Variants in SERPINI2 observed in about 807,000 individuals in gnomAD.
SERPINI2 encodes the protein serpin family I member 2.
A neutral mutation model predicts 47.3 loss-of-function variants in SERPINI2; 48 were observed. The ratio of observed to expected loss-of-function variants is 1.02; its 90% CI spans 0.81 to 1.29. SERPINI2 has a LOEUF of 1.29. Ranked by LOEUF, SERPINI2 falls within the 50% of genes most tolerant of loss-of-function variation. SERPINI2 has a pLI of 0.00. For synonymous variants in SERPINI2, 135 were observed against 149.3 expected, an observed-to-expected ratio of 0.90 and a Z score of 0.70; for missense variants, 448 against 456.9, an observed-to-expected ratio of 0.98 and a Z score of 0.18.
chr3:167,442,197 AAAAC>A lies in SERPINI2; in HGVS notation c.1142-16_1142-13del, dbSNP rs1749347803. ...AAACAGAATTGATTCTAGGGAAAAA[AAAAC>A]AAAAAAATATACTTTAGGAATTTCA... On this transcript the variant is annotated splice_polypyrimidine_tract_variant and intron_variant, in intron 8 of 8. Transcript: ENST00000264677. 4 of 1,561,038 alleles carry A rather than the reference AAAAC, an allele frequency of 2.6e-6. No individual in the cohort carries two copies. The South Asian group carries it at 4.9e-5, about 19-fold the overall frequency.
chr3:167,459,364 G>A (rs554161002), intron 5 of SERPINI2, among the ~76,000 whole-genome samples: 8 of 152,200 alleles, frequency 5.3e-5, no homozygotes, highest in Non-Finnish European at 1.2e-4. Flanking sequence ...GTGAGCCACC[G>A]CGCCCGGCCC....
chr3:167,452,866 G>T, intron 6 of SERPINI2, 70 bp downstream of exon 6: 1 of 893,352 alleles, frequency 1.1e-6, no homozygotes. Flanking sequence ...TCAGTTTTAA[G>T]CTCAGCTAGT....
At position 167,456,971 on chromosome 3, in the gene SERPINI2, C is replaced by A. The variant is rs1749811647; in HGVS notation, c.867-3938G>T. Among the ~76,000 whole-genome samples the A allele has an allele frequency of 1.3e-5, 2 of 152,244 alleles. 1 individual carries two copies. The highest frequency in any genetic ancestry group is 6.8e-3 in the Middle Eastern group (2 of 294). Reference sequence around the variant, plus strand: ...CTGCATTTAACAGTATAAGAAAAATCTTAGAAAAGTAATTTGCTTAAAGTT... The same window carrying A: ...CTGCATTTAACAGTATAAGAAAAATATTAGAAAAGTAATTTGCTTAAAGTT... On this transcript the variant is annotated intron_variant, in intron 5 of 8. Transcript: ENST00000264677.
chr3:167,448,307 A>T (rs868180919), intron 7 of SERPINI2, among the ~76,000 whole-genome samples: 7 of 152,196 alleles, frequency 4.6e-5, no homozygotes, highest in Non-Finnish European at 7.3e-5. Context: ...GAGATTTTGC[A>T]TTTCTAACGA....
rs368210867 is a variant in SERPINI2 at position 167,459,724 on chromosome 3, G to C, written c.866+5482C>G. Among the ~76,000 whole-genome samples, 248 of 149,758 alleles carry C rather than the reference G, an allele frequency of 1.7e-3. 7 individuals carry two copies. The South Asian group carries it at 0.048, about 29-fold the overall frequency. ...CATATACTAACTTTGCTACCAAAGA[G>C]ATATTTTACAACAATATAGAATTTA... On this transcript the variant is annotated intron_variant, in intron 5 of 8. Coordinates refer to ENST00000264677, the Ensembl canonical transcript of SERPINI2.
At chr3:167,443,010 A>G (rs1031228628) in intron 8 of SERPINI2, among the ~76,000 whole-genome samples, 2 of 152,184 alleles carry the variant, frequency 1.3e-5, no homozygotes, top group African/African-American at 2.4e-5. Context: ...GCCCTTTTTT[A>G]TTAACTCTAC....
At chr3:167,455,215 A>G (rs1254148640) in intron 5 of SERPINI2, among the ~76,000 whole-genome samples, 1 of 152,272 alleles carries the variant, frequency 6.6e-6, no homozygotes, top group African/African-American at 2.4e-5. Flanking sequence ...CTAGATAAAC[A>G]ATTAGCAACT....
At chr3:167,450,282 T>A (rs1304446061) in intron 6 of SERPINI2, among the ~76,000 whole-genome samples, 1 of 152,174 alleles carries the variant, frequency 6.6e-6, no homozygotes, top group Non-Finnish European at 1.5e-5. Flanking sequence ...CTTTACAACG[T>A]TTTGTTCTGG....
At chr3:167,459,671 C>A (rs1339782580) in intron 5 of SERPINI2, among the ~76,000 whole-genome samples, 3 of 127,676 alleles carry the variant, frequency 2.3e-5, no homozygotes, top group Non-Finnish European at 4.8e-5. Context: ...TATAAACATT[C>A]TTATGGGTGG....
intron 1 of SERPINI2, 197 bp downstream of exon 1, chr3:167,473,806 A>C (rs1750407274): frequency 7.0e-7 from 1 of 1,431,406 alleles, no homozygotes; most frequent in Non-Finnish European, 9.1e-7. Context: ...CCTGATGAAT[A>C]GTCCTATAAG....
Position 167,442,197 on chromosome 3 carries a change from A to G in SERPINI2, c.1142-12T>C, listed in dbSNP as rs373066482. ...AAACAGAATTGATTCTAGGGAAAAA[A>G]AAACAAAAAAATATACTTTAGGAAT... On this transcript the variant is annotated splice_polypyrimidine_tract_variant and intron_variant, in intron 8 of 8. Transcript: ENST00000264677. 397 of 1,560,908 alleles carry G rather than the reference A, an allele frequency of 2.5e-4. No homozygotes were observed. Among genetic ancestry groups the G allele is most frequent in the Non-Finnish European group, 3.3e-4 (380 of 1,157,832 alleles).
intron 5 of SERPINI2, among the ~76,000 whole-genome samples, chr3:167,453,670 CAA>C (rs1203848367): frequency 4.1e-5 from 5 of 121,084 alleles, no homozygotes; most frequent in Admixed American, 8.6e-5. Context: ...GGGGGGTGGG[CAA>C]AAAAAAAAGG....
At chr3:167,452,028 C>T (rs1213439566) in intron 6 of SERPINI2, among the ~76,000 whole-genome samples, 1 of 152,162 alleles carries the variant, frequency 6.6e-6, no homozygotes, top group Non-Finnish European at 1.5e-5. Flanking sequence ...TGACCTCATT[C>T]ACCTCCTCCA....
exon 7 of SERPINI2, chr3:167,449,333 T>A: frequency 6.2e-7 from 1 of 1,612,680 alleles, no homozygotes; most frequent in Non-Finnish European, 8.5e-7. Flanking sequence ...TGTTGCAGCT[T>A]CACTACCATC....
At chr3:167,466,527 A>G (rs73878707) in intron 3 of SERPINI2, among the ~76,000 whole-genome samples, 2,043 of 152,346 alleles carry the variant, frequency 0.013, 35 homozygotes, top group African/African-American at 0.045. Context: ...ACTCAGATTT[A>G]TATGAATTTG....
exon 2 of SERPINI2, chr3:167,471,702 T>G: frequency 6.2e-7 from 1 of 1,613,628 alleles, no homozygotes; most frequent in Non-Finnish European, 8.5e-7. Flanking sequence ...GAAAATATAA[T>G]GTTGTCCTTA....
intron 5 of SERPINI2, among the ~76,000 whole-genome samples, chr3:167,463,815 T>G (rs1750053768): frequency 6.6e-6 from 1 of 151,946 alleles, no homozygotes; most frequent in South Asian, 2.1e-4. Flanking sequence ...GTAAGAGAAA[T>G]CAACCTAGAG....
chr3:167,447,746 C>A (rs1337660383), intron 7 of SERPINI2, among the ~76,000 whole-genome samples: 1 of 152,176 alleles, frequency 6.6e-6, no homozygotes, highest in Non-Finnish European at 1.5e-5. Flanking sequence ...TTGAAAGCAG[C>A]TGGAAAATTT....
At chr3:167,475,723 C>T (rs183339422), upstream of SERPINI2, among the ~76,000 whole-genome samples, 994 of 139,728 alleles carry the variant, frequency 7.1e-3, 9 homozygotes, top group African/African-American at 0.016. Flanking sequence ...CCTAGAAAAT[C>T]GGGGTGGGGG....
Sources: allele counts gnomAD v4.1 joint callset (sites outside exome capture counted in the v4.1 genomes callset), GRCh38; gene constraint gnomAD v4.1.1; transcripts MANE v1.5; gene names NCBI Gene and HGNC (gene_info 2026-07-23, HGNC 2026-07-21).